The following ADAMTSL1 variants were observed in gnomAD, a reference collection of about 807,000 sequenced individuals.
ADAMTSL1 encodes the protein ADAMTS-like protein 1.
ADAMTSL1 carries 126 observed loss-of-function variants against 201.8 expected under a neutral mutation model. That is an observed-to-expected ratio of 0.62 (90% confidence interval 0.54 to 0.72). ADAMTSL1 has a LOEUF of 0.72. Ranked by LOEUF, ADAMTSL1 falls within the 30% of genes least tolerant of loss-of-function variation. ADAMTSL1 has a pLI of 0.00. For missense variants in ADAMTSL1, 2,679 were observed against 2,277.8 expected (o/e 1.18, Z -3.59); for synonymous variants, 1,121 against 903.4 (o/e 1.24, Z -4.32).
At chr9:18,042,938 C>G (rs1315874563) in intron 1 of ADAMTSL1, among the ~76,000 whole-genome samples, 1 of 152,062 alleles carries the variant, frequency 6.6e-6, no homozygotes, top group Non-Finnish European at 1.5e-5. Context: ...ACGGGGGAAC[C>G]TATGTAAATG....
intron 28 of ADAMTSL1, chr9:18,907,572 G>C (rs1056408905): frequency 6.6e-6 from 1 of 152,338 alleles, no homozygotes; most frequent in Non-Finnish European, 1.5e-5. Context: ...TTGAGGCAAA[G>C]AGTAGGAAGT....
At position 18,681,908 on chromosome 9, in the gene ADAMTSL1, C is replaced by A. The variant is rs1328818387; in HGVS notation, c.1438C>A (p.Pro480Thr). 1.2e-6 allele frequency: 2 copies of A among 1,614,054 alleles called. No homozygotes were observed. Among genetic ancestry groups the A allele is most frequent in the East Asian group, 4.5e-5 (2 of 44,866 alleles). The part of the protein sequence containing the change: ...HTGGCSPKTK[P>T]HIKEECIVPT... ...AGGAGGCTGTAGCCCAAAAACAAAG[C>A]CCCACATAAAAGAGGAATGCATCGT... The change falls in exon 12 of 29, where the codon CCC (proline) becomes ACC (threonine). Residue 480 changes from proline to threonine, a missense_variant. Pro to Thr is a conservative substitution (Grantham distance 38, BLOSUM62 -1). Coordinates refer to ENST00000380548, the MANE Select transcript of ADAMTSL1 (RefSeq NM_001040272.6).
At chr9:18,594,194 T>C (rs1437639494) in intron 4 of ADAMTSL1, among the ~76,000 whole-genome samples, 1 of 152,146 alleles carries the variant, frequency 6.6e-6, no homozygotes, top group Non-Finnish European at 1.5e-5. Context: ...TTCCCACTCC[T>C]TCCTGGCCTG....
chr9:18,116,656 GAAT>G (rs1273535514), intron 1 of ADAMTSL1, among the ~76,000 whole-genome samples: 1 of 152,146 alleles, frequency 6.6e-6, no homozygotes, highest in Non-Finnish European at 1.5e-5. Flanking sequence ...GTGGCTATAA[GAAT>G]AGGCCATTTT....
intron 2 of ADAMTSL1, among the ~76,000 whole-genome samples, chr9:18,277,513 A>G (rs904535656): frequency 6.6e-6 from 1 of 152,142 alleles, no homozygotes; most frequent in Admixed American, 6.5e-5. Flanking sequence ...TGACTTCTTT[A>G]TCATTATATA....
chr9:18,153,391 T>C (rs1028451528), intron 1 of ADAMTSL1, among the ~76,000 whole-genome samples: 3 of 152,198 alleles, frequency 2.0e-5, no homozygotes, highest in African/African-American at 7.2e-5. Context: ...TTCTAAAATT[T>C]ATAAAATTAA....
At chr9:17,907,706 G>C (rs765747135) in intron 1 of ADAMTSL1, among the ~76,000 whole-genome samples, 13 of 152,298 alleles carry the variant, frequency 8.5e-5, no homozygotes, top group Middle Eastern at 3.4e-3. Flanking sequence ...ATTATCACAA[G>C]ACTTGGAGAA....
intron 25 of ADAMTSL1, chr9:18,890,688 A>C: frequency 2.3e-6 from 1 of 440,186 alleles, no homozygotes; most frequent in Non-Finnish European, 4.6e-6. Flanking sequence ...CCCTTCCTGA[A>C]CTGTAACATA....
At chr9:18,722,331 C>G (rs1833443894) in intron 15 of ADAMTSL1, among the ~76,000 whole-genome samples, 1 of 152,084 alleles carries the variant, frequency 6.6e-6, no homozygotes, top group South Asian at 2.1e-4. Context: ...TTGAGCAAAT[C>G]TCATCTATGG....
rs538821664 is a variant in ADAMTSL1 at position 18,271,624 on chromosome 9, C to T, written c.207+107643C>T. 2.2e-4 allele frequency among the ~76,000 whole-genome samples: 33 copies of T among 152,098 alleles called. 1 individual carries two copies. The East Asian group carries it at 4.3e-3, about 20-fold the overall frequency. ...AAGTCTTTGGTATTGTGAATAGTGC[C>T]GCAATAAACATACATGTGCATGTGT... On this transcript the variant is annotated intron_variant, in intron 2 of 29. Coordinates refer to the ADAMTSL1 transcript ENST00000680146.
intron 21 of ADAMTSL1, 101 bp from the exon 22 acceptor site, chr9:18,826,183 C>A: frequency 7.1e-7 from 1 of 1,405,016 alleles, no homozygotes; most frequent in South Asian, 1.3e-5. Context: ...TGTAGAGCAG[C>A]CCCAGGGAAG....
At chr9:17,919,592 C>G (rs929184814) in intron 1 of ADAMTSL1, among the ~76,000 whole-genome samples, 25 of 152,026 alleles carry the variant, frequency 1.6e-4, no homozygotes, top group African/African-American at 5.6e-4. Context: ...TTGTGACTGT[C>G]TGATTTCACT....
chr9:18,552,791 T>C (rs115382449), intron 3 of ADAMTSL1, among the ~76,000 whole-genome samples: 99 of 151,726 alleles, frequency 6.5e-4, no homozygotes, highest in African/African-American at 2.2e-3. Flanking sequence ...TTATCAGTAG[T>C]AATCCTTTTT....
At chr9:17,954,692 T>A (rs796154210) in intron 1 of ADAMTSL1, among the ~76,000 whole-genome samples, 1 of 152,220 alleles carries the variant, frequency 6.6e-6, no homozygotes, top group African/African-American at 2.4e-5. Flanking sequence ...TATAAGGTAG[T>A]TTGAGCCAGA....
chr9:18,562,214 C>G (rs1297164171), intron 3 of ADAMTSL1, among the ~76,000 whole-genome samples: 1 of 152,080 alleles, frequency 6.6e-6, no homozygotes. Context: ...TAGGGCAGGC[C>G]TGGTGGTGAC....
chr9:18,558,237 C>T (rs1218965844), intron 3 of ADAMTSL1, among the ~76,000 whole-genome samples: 1 of 152,134 alleles, frequency 6.6e-6, no homozygotes, highest in South Asian at 2.1e-4. Flanking sequence ...TCAACTCCAA[C>T]TTATGAGTGA....
At chr9:18,421,388 G>A (rs1293135276) in intron 2 of ADAMTSL1, among the ~76,000 whole-genome samples, 1 of 152,066 alleles carries the variant, frequency 6.6e-6, no homozygotes, top group Non-Finnish European at 1.5e-5. Flanking sequence ...TCTTACAGGT[G>A]AGAAAACCAG....
At chr9:18,098,485 T>C (rs919989002) in intron 1 of ADAMTSL1, among the ~76,000 whole-genome samples, 1 of 152,200 alleles carries the variant, frequency 6.6e-6, no homozygotes, top group African/African-American at 2.4e-5. Flanking sequence ...TTCAAAGCTA[T>C]TGTAAGTGAT....
At chr9:18,607,021 A>G (rs1261876168) in intron 4 of ADAMTSL1, among the ~76,000 whole-genome samples, 1 of 152,194 alleles carries the variant, frequency 6.6e-6, no homozygotes, top group Non-Finnish European at 1.5e-5. Context: ...TCTTAGGGAA[A>G]AAGACAAACC....
Sources: gnomAD v4.1 joint callset for allele counts (sites outside exome capture counted in the v4.1 genomes callset) on GRCh38, gnomAD v4.1.1 for gene constraint, MANE v1.5 for transcripts, NCBI Gene and HGNC (gene_info 2026-07-23, HGNC 2026-07-21) for gene names.